PCDH15: variants seen among roughly 807,000 people sequenced by gnomAD.
PCDH15 encodes the protein protocadherin related 15.
A neutral mutation model predicts 178.5 loss-of-function variants in PCDH15; 129 were observed. The ratio of observed to expected loss-of-function variants is 0.72; its 90% CI spans 0.63 to 0.84. The LOEUF (loss-of-function observed/expected upper bound fraction) is 0.84. Ranked by LOEUF, PCDH15 falls within the 40% of genes least tolerant of loss-of-function variation. PCDH15 has a pLI of 0.00. For missense variants in PCDH15, 2,230 were observed against 2,099.9 expected (o/e 1.06, Z -1.21); for synonymous variants, 800 against 732.0 (o/e 1.09, Z -1.50).
intron 1 of PCDH15, among the ~76,000 whole-genome samples, chr10:54,671,911 T>C (rs2094681661): frequency 6.6e-6 from 1 of 151,730 alleles, no homozygotes; most frequent in Non-Finnish European, 1.5e-5. Context: ...AGGAGGTGAG[T>C]GGTGGGTGAG....
At chr10:54,752,278 C>T (rs11004543) in intron 1 of PCDH15, among the ~76,000 whole-genome samples, 74,448 of 149,784 alleles carry the variant, frequency 0.5, 19,093 homozygotes, top group Middle Eastern at 0.68. Flanking sequence ...AGATGGAGAC[C>T]ATCCTGGCTA....
At chr10:54,000,067 C>A (rs184684138) in intron 20 of PCDH15, among the ~76,000 whole-genome samples, 22 of 152,278 alleles carry the variant, frequency 1.4e-4, no homozygotes, top group Admixed American at 8.5e-4. Flanking sequence ...TAAGGGAATT[C>A]TTCTGGATCT....
intron 18 of PCDH15, among the ~76,000 whole-genome samples, chr10:54,051,465 G>A (rs1462276036): frequency 6.6e-6 from 1 of 152,112 alleles, no homozygotes; most frequent in East Asian, 1.9e-4. Flanking sequence ...GAACTCGTTG[G>A]GAAATAGAGT....
chr10:54,547,274 T>G (rs771507304), intron 2 of PCDH15, among the ~76,000 whole-genome samples: 1 of 152,176 alleles, frequency 6.6e-6, no homozygotes, highest in Non-Finnish European at 1.5e-5. Context: ...CATAGCAAGC[T>G]GGCTTGCTAT....
intron 1 of PCDH15, among the ~76,000 whole-genome samples, chr10:54,730,146 C>A (rs1393728745): frequency 1.3e-5 from 2 of 151,514 alleles, no homozygotes; most frequent in Non-Finnish European, 3.0e-5. Context: ...ATGGAATCAA[C>A]CTAAATGATT....
intron 25 of PCDH15, among the ~76,000 whole-genome samples, chr10:53,924,545 C>G (rs2084314998): frequency 6.6e-6 from 1 of 152,240 alleles, no homozygotes; most frequent in African/African-American, 2.4e-5. Context: ...ATCAACCGCC[C>G]AAGGGCTGAG....
At chr10:54,499,193 A>G (rs1386288308) in intron 3 of PCDH15, among the ~76,000 whole-genome samples, 1 of 152,170 alleles carries the variant, frequency 6.6e-6, no homozygotes, top group Non-Finnish European at 1.5e-5. Flanking sequence ...AAACCTCTGA[A>G]GAGACTTAGA....
intron 2 of PCDH15, among the ~76,000 whole-genome samples, chr10:55,493,664 C>T (rs909405520): frequency 1.3e-5 from 2 of 151,812 alleles, no homozygotes; most frequent in African/African-American, 4.8e-5. Flanking sequence ...TCTAGCAAAG[C>T]TCTTTCAAAA....
intron 35 of PCDH15, among the ~76,000 whole-genome samples, chr10:53,815,771 G>A (rs73236366): frequency 0.023 from 3,476 of 151,864 alleles, 134 homozygotes; most frequent in African/African-American, 0.079. Flanking sequence ...TTTTCACATT[G>A]CAGAAGAAAA....
At chr10:53,823,343 G>A in intron 32 of PCDH15, 1 of 1,613,564 alleles carries the variant, frequency 6.2e-7, no homozygotes, top group South Asian at 1.1e-5. Flanking sequence ...GTTGAAAATG[G>A]TAGAGAAGGA....
chr10:55,252,201 C>T (rs1841855769), intron 1 of PCDH15, among the ~76,000 whole-genome samples: 1 of 152,072 alleles, frequency 6.6e-6, no homozygotes, highest in Non-Finnish European at 1.5e-5. Context: ...GAGCCTTTTA[C>T]AGAGTTATAA....
At chr10:54,552,758 G>C (rs933551622) in intron 2 of PCDH15, among the ~76,000 whole-genome samples, 1 of 152,114 alleles carries the variant, frequency 6.6e-6, no homozygotes, top group Non-Finnish European at 1.5e-5. Context: ...GTGGGTTGAA[G>C]TCCACTAATA....
chr10:55,329,339 A>G (rs1336349654), intron 2 of PCDH15, among the ~76,000 whole-genome samples: 1 of 151,640 alleles, frequency 6.6e-6, no homozygotes, highest in Non-Finnish European at 1.5e-5. Context: ...AGCTAGCAAA[A>G]TATGTATTCT....
intron 3 of PCDH15, among the ~76,000 whole-genome samples, chr10:54,485,152 T>G (rs893218386): frequency 6.6e-6 from 1 of 151,712 alleles, no homozygotes; most frequent in African/African-American, 2.4e-5. Flanking sequence ...AGAATACCAA[T>G]TTGGGGAATC....
chr10:54,247,997 T>C (rs1024052978), intron 8 of PCDH15, among the ~76,000 whole-genome samples: 1 of 149,866 alleles, frequency 6.7e-6, no homozygotes, highest in Non-Finnish European at 1.5e-5. Flanking sequence ...ATGTGGAAAT[T>C]ATTATAGTTA....
chr10:55,238,145 C>CTTTTTTTT (rs758000610), intron 1 of PCDH15, among the ~76,000 whole-genome samples: 85 of 124,404 alleles, frequency 6.8e-4, no homozygotes, highest in Non-Finnish European at 1.0e-3. Context: ...TTCATATTTT[C>CTTTTTTTT]TTTTTTTTTT....
intron 3 of PCDH15, among the ~76,000 whole-genome samples, chr10:54,424,847 T>G (rs1371585079): frequency 1.1e-5 from 1 of 90,216 alleles, no homozygotes; most frequent in Non-Finnish European, 2.0e-5. Flanking sequence ...CATCACACAC[T>G]GGGGCCCGTC....
At chr10:55,431,017 T>C (rs2132056583) in intron 2 of PCDH15, among the ~76,000 whole-genome samples, 1 of 152,312 alleles carries the variant, frequency 6.6e-6, no homozygotes, top group East Asian at 1.9e-4. Flanking sequence ...CTTGACATGA[T>C]TTAGAAAGAT....
rs541379663 is a variant in PCDH15 at position 54,937,629 on chromosome 10, T to A, written c.-79-40129A>T. Among the ~76,000 whole-genome samples, 4 of 152,112 alleles carry A rather than the reference T, an allele frequency of 2.6e-5. No individual in the cohort carries two copies. In the South Asian group the frequency reaches 8.3e-4, roughly 31 times the overall value. On this transcript the variant is annotated intron_variant, in intron 2 of 5. Transcript: ENST00000458638. Reference sequence around the variant, plus strand: ...TAATTTTTGGTTTGTGAATCACTAATGCATAGTAATACAATTGAATTGTGG... The same window carrying A: ...TAATTTTTGGTTTGTGAATCACTAAAGCATAGTAATACAATTGAATTGTGG...
Sources: gnomAD v4.1 joint callset for allele counts (sites outside exome capture counted in the v4.1 genomes callset) on GRCh38, gnomAD v4.1.1 for gene constraint, MANE v1.5 for transcripts, NCBI Gene and HGNC (gene_info 2026-07-23, HGNC 2026-07-21) for gene names.